ZNF469: variants seen among roughly 807,000 people sequenced by gnomAD.
ZNF469 encodes zinc finger protein 469.
In ZNF469, 1 loss-of-function variant was observed where a neutral mutation model predicts 1.0. That is an observed-to-expected ratio of 1.00 (90% CI 0.35 to 4.73). The LOEUF (loss-of-function observed/expected upper bound fraction) is 4.73, where lower values mean the gene tolerates loss of function less well. Among genes scored for constraint, ZNF469 ranks in the 30% most tolerant of loss-of-function variants. The pLI is 0.16. For synonymous variants in ZNF469, 2,703 were observed against 2,363.4 expected, an observed-to-expected ratio of 1.14 and a Z score of -4.17; for missense variants, 6,100 against 5,356.3, an observed-to-expected ratio of 1.14 and a Z score of -4.33.
At position 88,428,568 on chromosome 16, in the gene ZNF469, A is replaced by C. The variant is rs11640794; in HGVS notation, c.1098A>C (p.Arg366Ser). 1,426,365 of 1,550,044 alleles carry C rather than the reference A, an allele frequency of 0.92. 659,806 individuals carry two copies. The highest frequency in any genetic ancestry group is 0.97 in the South Asian group (81,456 of 84,068). Residue 366 changes from arginine to serine, a missense_variant, in exon 3 of 3, where the codon AGA (arginine) becomes AGC (serine). Physicochemically the swap from Arg to Ser is moderately radical, Grantham distance 110 (BLOSUM62 -1). Transcript: ENST00000565624. Reference protein sequence around the residue: ...SSPGAAHSAPRPFSDSLHKSL... With the variant: ...SSPGAAHSAPSPFSDSLHKSL... ...CTGGAGCTGCTCACTCGGCCCCGAGACCCTTCTCTGACAGTTTACACAAGA... is the reference window on the plus strand; with the variant it reads ...CTGGAGCTGCTCACTCGGCCCCGAGCCCCTTCTCTGACAGTTTACACAAGA...
chr16:88,117,780 G>A, the ZNF469 span, among the ~76,000 whole-genome samples: 1 of 152,252 alleles, frequency 6.6e-6, no homozygotes, highest in East Asian at 1.9e-4. Context: ...TCGTGTGCAA[G>A]TGACCTGGGA....
chr16:88,248,753 G>T, the ZNF469 span, among the ~76,000 whole-genome samples: 5 of 152,160 alleles, frequency 3.3e-5, no homozygotes, highest in African/African-American at 1.2e-4. Context: ...ATGACGAGAC[G>T]GGTACAGGGA....
chr16:88,331,566 TCACCACCACCACCACCAC>T, the ZNF469 span, among the ~76,000 whole-genome samples: 6 of 145,906 alleles, frequency 4.1e-5, no homozygotes, highest in African/African-American at 1.5e-4. Flanking sequence ...GTCATCACCA[TCACCACCACCACCACCAC>T]CACCATCACC....
Position 88,431,449 on chromosome 16 carries a change from T to C in ZNF469, c.3979T>C (p.Phe1327Leu), listed in dbSNP as rs1906177514. The C allele has an allele frequency of 6.5e-7, 1 of 1,550,230 alleles. No individual in the cohort carries two copies. The highest frequency in any genetic ancestry group is 1.4e-5 in the African/African-American group (1 of 73,050). Residue 1327 changes from phenylalanine to leucine, a missense_variant, in exon 3 of 3, where the codon TTT becomes CTT. Coordinates refer to ENST00000565624, the MANE Select transcript of ZNF469 (RefSeq NM_001367624.2). Reference sequence around the variant, plus strand: ...CCCCCCTGCCCGCCAGCCTGGAGAATTTCTGGCACCCGTGGCTAACCCCTC... The same window carrying C: ...CCCCCCTGCCCGCCAGCCTGGAGAACTTCTGGCACCCGTGGCTAACCCCTC... ...KDPPARQPGE[F>L]LAPVANPSST...
chr16:88,140,289 T>C, the ZNF469 span, among the ~76,000 whole-genome samples: 2 of 151,454 alleles, frequency 1.3e-5, no homozygotes, highest in Non-Finnish European at 2.9e-5. Context: ...TACGGAGGAA[T>C]AAATATTTGG....
At chr16:88,113,188 G>A in the ZNF469 span, among the ~76,000 whole-genome samples, 1 of 152,196 alleles carries the variant, frequency 6.6e-6, no homozygotes, top group Admixed American at 6.5e-5. Flanking sequence ...CAATGTCCTG[G>A]AGATTGTCCC....
intron 1 of ZNF469, among the ~76,000 whole-genome samples, chr16:88,412,761 C>T (rs777852217): frequency 2.0e-5 from 3 of 152,236 alleles, no homozygotes; most frequent in East Asian, 1.9e-4. Context: ...CCAGAGAGAA[C>T]GCTCACACAC....
At chr16:88,417,454 G>A (rs1007071069) in intron 1 of ZNF469, among the ~76,000 whole-genome samples, 37 of 152,274 alleles carry the variant, frequency 2.4e-4, no homozygotes, top group Admixed American at 1.8e-3. Context: ...CACCCTGGAC[G>A]AGCCGTCTCA....
At chr16:88,355,379 G>A in the ZNF469 span, among the ~76,000 whole-genome samples, 3 of 152,364 alleles carry the variant, frequency 2.0e-5, no homozygotes, top group East Asian at 3.9e-4. Flanking sequence ...AGTGGCCTCT[G>A]GTTCCTACCC....
the ZNF469 span, among the ~76,000 whole-genome samples, chr16:88,135,182 A>G: frequency 6.6e-5 from 10 of 152,234 alleles, no homozygotes; most frequent in South Asian, 1.0e-3. Context: ...GGGCAGGGCT[A>G]TGAAGGAATC....
At chr16:88,231,384 T>G in the ZNF469 span, among the ~76,000 whole-genome samples, 27 of 152,334 alleles carry the variant, frequency 1.8e-4, 1 homozygote, top group South Asian at 5.6e-3. This position sits in a 1 kb window ranked among gnomAD's most constrained non-coding sequence, Gnocchi z 4.5. Context: ...GGGGTGGGAC[T>G]GGGGTGGTGT....
the ZNF469 span, among the ~76,000 whole-genome samples, chr16:88,318,474 C>A: frequency 1.4e-5 from 2 of 145,124 alleles, no homozygotes; most frequent in Non-Finnish European, 3.1e-5. Flanking sequence ...TCCTCTGCCC[C>A]AGCTGCATCT....
the ZNF469 span, among the ~76,000 whole-genome samples, chr16:88,341,521 A>G: frequency 2.6e-5 from 4 of 152,060 alleles, no homozygotes; most frequent in Admixed American, 1.3e-4. Context: ...CGTAATCCCA[A>G]TTTCCTTTCG....
intron 1 of ZNF469, among the ~76,000 whole-genome samples, chr16:88,384,886 A>G (rs2092533778): frequency 6.6e-6 from 1 of 152,104 alleles, no homozygotes. Flanking sequence ...GGATACCTCC[A>G]GTGACCGGGA....
the ZNF469 span, among the ~76,000 whole-genome samples, chr16:88,226,929 A>G: frequency 1.3e-5 from 2 of 152,092 alleles, no homozygotes; most frequent in Non-Finnish European, 2.9e-5. Flanking sequence ...CCACCCGGGA[A>G]GGATTCCCAA....
the ZNF469 span, among the ~76,000 whole-genome samples, chr16:88,102,780 G>T: frequency 6.6e-6 from 1 of 152,206 alleles, no homozygotes; most frequent in Admixed American, 6.5e-5. Context: ...TGGGTCACTT[G>T]CTACCAAGGC....
the ZNF469 span, among the ~76,000 whole-genome samples, chr16:88,371,580 C>T: frequency 0.26 from 40,229 of 152,098 alleles, 6,912 homozygotes; most frequent in Non-Finnish European, 0.38. Flanking sequence ...TTCTAGATCT[C>T]AGCCAGAAAG....
the ZNF469 span, among the ~76,000 whole-genome samples, chr16:88,366,879 CCATCATCACCGT>C: frequency 6.6e-6 from 1 of 152,096 alleles, no homozygotes; most frequent in Non-Finnish European, 1.5e-5. Flanking sequence ...ATCACCACCA[CCATCATCACCGT>C]CATCATCACC....
chr16:88,157,298 C>A, the ZNF469 span, among the ~76,000 whole-genome samples: 1 of 152,208 alleles, frequency 6.6e-6, no homozygotes, highest in Non-Finnish European at 1.5e-5. Flanking sequence ...CTCAGTGGAG[C>A]CCCACAGCCT....
Sources: gnomAD v4.1 joint callset for allele counts (sites outside exome capture counted in the v4.1 genomes callset) on GRCh38, gnomAD v4.1.1 for gene constraint, Gnocchi (gnomAD v3.1) non-coding constraint, MANE v1.5 for transcripts, NCBI Gene and HGNC (gene_info 2026-07-23, HGNC 2026-07-21) for gene names.